The following FOXP2 variants were observed in gnomAD, a reference collection of about 807,000 sequenced individuals.
The protein encoded by FOXP2 is forkhead box protein P2.
A neutral mutation model predicts 115.8 loss-of-function variants in FOXP2; 12 were observed. That is an observed-to-expected ratio of 0.10 (90% CI 0.07 to 0.17). The LOEUF is 0.17. FOXP2 is among the 10% of genes least tolerant of loss of function. The probability of loss-of-function intolerance (pLI) is 1.00; values close to 1 mark genes in which losing one functional copy is unlikely to be tolerated. For missense variants in FOXP2, 629 were observed against 843.5 expected (o/e 0.75, Z 3.15); for synonymous variants, 328 against 297.7 (o/e 1.10, Z -1.05).
intron 2 of FOXP2, among the ~76,000 whole-genome samples, chr7:114,498,135 T>C (rs555182949): frequency 1.3e-5 from 2 of 152,342 alleles, no homozygotes; most frequent in East Asian, 3.9e-4. Flanking sequence ...TATAGAGGTT[T>C]TCTTTCTTAA....
intron 2 of FOXP2, among the ~76,000 whole-genome samples, chr7:114,367,996 A>G (rs1235444827): frequency 1.3e-5 from 2 of 152,338 alleles, no homozygotes; most frequent in East Asian, 3.9e-4. Flanking sequence ...TTAGTGAAAT[A>G]GACACATTTG....
intron 1 of FOXP2, among the ~76,000 whole-genome samples, chr7:114,250,567 T>C (rs1281820429): frequency 6.6e-6 from 1 of 152,250 alleles, no homozygotes; most frequent in African/African-American, 2.4e-5. Flanking sequence ...CATTTTTTCA[T>C]GTGTCTGTTG....
intron 1 of FOXP2, among the ~76,000 whole-genome samples, chr7:114,134,154 G>A (rs900225348): frequency 5.9e-5 from 9 of 152,118 alleles, no homozygotes; most frequent in Admixed American, 2.6e-4. Context: ...AATGGGGACC[G>A]AAATTTTACT....
intron 2 of FOXP2, among the ~76,000 whole-genome samples, chr7:114,355,391 C>T (rs537191035): frequency 6.6e-6 from 1 of 152,156 alleles, no homozygotes; most frequent in East Asian, 1.9e-4. Context: ...TATAAAGGTA[C>T]CAGAATATGC....
intron 1 of FOXP2, among the ~76,000 whole-genome samples, chr7:114,234,911 T>G (rs752052571): frequency 6.6e-6 from 1 of 152,182 alleles, no homozygotes; most frequent in Non-Finnish European, 1.5e-5. Context: ...CCTAGTCATC[T>G]CCAGTTAAAG....
At chr7:114,674,886 T>C (rs1418773486) in intron 16 of FOXP2, among the ~76,000 whole-genome samples, 2 of 152,156 alleles carry the variant, frequency 1.3e-5, no homozygotes, top group African/African-American at 2.4e-5. Flanking sequence ...TATAATTAAC[T>C]TTAATTACTC....
At chr7:114,187,561 G>A (rs1042165997) in intron 1 of FOXP2, among the ~76,000 whole-genome samples, 46 of 152,142 alleles carry the variant, frequency 3.0e-4, no homozygotes, top group African/African-American at 1.1e-3. Context: ...CTTCTTCTGA[G>A]CTGACAAAAG....
chr7:114,588,174 A>T (rs772193902), intron 3 of FOXP2, among the ~76,000 whole-genome samples: 1 of 151,698 alleles, frequency 6.6e-6, no homozygotes, highest in Non-Finnish European at 1.5e-5. Flanking sequence ...GCCAAGGATG[A>T]TGGTGGGTGC....
chr7:114,363,086 C>A (rs1791791321), intron 2 of FOXP2, among the ~76,000 whole-genome samples: 1 of 152,008 alleles, frequency 6.6e-6, no homozygotes, highest in Admixed American at 6.6e-5. Context: ...AAATAGATCT[C>A]AATGGGATAA....
chr7:114,675,550 T>G (rs12705974), intron 16 of FOXP2, among the ~76,000 whole-genome samples: 48,432 of 152,080 alleles, frequency 0.32, 9,561 homozygotes, highest in Non-Finnish European at 0.45. Flanking sequence ...CTAATTTGAA[T>G]GAAAATTTAT....
At chr7:114,585,898 G>T (rs1483011884) in intron 3 of FOXP2, among the ~76,000 whole-genome samples, 1 of 152,078 alleles carries the variant, frequency 6.6e-6, no homozygotes, top group African/African-American at 2.4e-5. Context: ...ATAATTTGCT[G>T]TAATGTTTAA....
At position 114,292,002 on chromosome 7, in the gene FOXP2, A is replaced by ATATATAGAATATATAGAATATATATGT. The variant is rs1562857033; in HGVS notation, c.-11+3901_-11+3902insATATATAGAATATATATGTTATATAGA. ...ATATATAGAATATATATTATAGATA[A>ATATATAGAATATATAGAATATATATGT]TATATAGATATAACATTAAAACACA... On this transcript the variant is annotated intron_variant, in intron 2 of 17. Coordinates refer to the FOXP2 transcript ENST00000634411. Among the ~76,000 whole-genome samples the ATATATAGAATATATAGAATATATATGT allele has an allele frequency of 6.9e-5, 9 of 130,794 alleles. 2 individuals carry two copies. Among genetic ancestry groups the ATATATAGAATATATAGAATATATATGT allele is most frequent in the African/African-American group, 3.3e-4 (9 of 27,208 alleles). 85.8% of individuals were successfully genotyped at this position (130,794 alleles called of 152,430 possible).
intron 3 of FOXP2, among the ~76,000 whole-genome samples, chr7:114,561,725 C>A (rs535701221): frequency 1.3e-5 from 2 of 152,064 alleles, no homozygotes; most frequent in African/African-American, 4.8e-5. Flanking sequence ...ATTCATGAAT[C>A]GATTCCTTTA....
chr7:114,487,344 C>T (rs1796839994), intron 2 of FOXP2, among the ~76,000 whole-genome samples: 1 of 152,146 alleles, frequency 6.6e-6, no homozygotes, highest in Non-Finnish European at 1.5e-5. Context: ...AGTCCCTAGG[C>T]TGCACACAGC....
rs746524111 is a variant in FOXP2, at chr7:114,426,573, G to A, written c.62G>A (p.Ser21Asn). 1 of 1,611,522 alleles carries A rather than the reference G, an allele frequency of 6.2e-7. No homozygotes were observed. Among genetic ancestry groups the A allele is most frequent in the Non-Finnish European group, 8.5e-7 (1 of 1,178,398 alleles). ...AGTTCAATGAATCAAAATGGAATGAGCACTCTAAGCAGCCAATTAGATGCT... is the reference window on the plus strand; with the variant it reads ...AGTTCAATGAATCAAAATGGAATGAACACTCTAAGCAGCCAATTAGATGCT... ...SNSSMNQNGMSTLSSQLDAGS... is the reference protein window; with the variant it reads ...SNSSMNQNGMNTLSSQLDAGS... Residue 21 changes from serine to asparagine, a missense_variant, in exon 2 of 17, where the codon AGC becomes AAC. Ser to Asn is a conservative substitution (Grantham distance 46). Around this residue, in one of 9 missense-constraint regions of FOXP2, gnomAD observed 91 missense variants for 98.3 expected, o/e 0.93. Coordinates refer to ENST00000350908, the MANE Select transcript of FOXP2 (RefSeq NM_014491.4).
intron 2 of FOXP2, among the ~76,000 whole-genome samples, chr7:114,459,577 G>A (rs953633301): frequency 2.0e-5 from 3 of 152,072 alleles, no homozygotes; most frequent in Admixed American, 1.3e-4. Flanking sequence ...TAGTTTTGTT[G>A]TTGTTGTTAT....
chr7:114,385,337 A>C (rs1792418925), intron 2 of FOXP2, among the ~76,000 whole-genome samples: 1 of 152,162 alleles, frequency 6.6e-6, no homozygotes, highest in Admixed American at 6.5e-5. Flanking sequence ...GGTCAGGAGA[A>C]TTTTGCGGCT....
At chr7:114,500,308 G>C (rs1307646857) in intron 2 of FOXP2, among the ~76,000 whole-genome samples, 1 of 150,894 alleles carries the variant, frequency 6.6e-6, no homozygotes, top group Admixed American at 6.6e-5. Flanking sequence ...GGATTTTTTC[G>C]TCGTCAGTGA....
At chr7:114,540,490 G>T (rs1009092624) in intron 3 of FOXP2, among the ~76,000 whole-genome samples, 4 of 152,056 alleles carry the variant, frequency 2.6e-5, no homozygotes, top group African/African-American at 9.7e-5. Flanking sequence ...TATAAATTGA[G>T]TGATTATTTA....
Sources: gnomAD v4.1 joint callset for allele counts (sites outside exome capture counted in the v4.1 genomes callset) on GRCh38, gnomAD v4.1.1 for gene constraint, gnomAD v4.1.1 regional missense constraint, MANE v1.5 for transcripts, NCBI Gene and HGNC (gene_info 2026-07-23, HGNC 2026-07-21) for gene names.